The following C10orf143 variants were observed in gnomAD, a reference collection of about 807,000 sequenced individuals.
The protein encoded by C10orf143 is chromosome 10 open reading frame 143.
chr10:130,057,993 A>G (rs1030389330), intron 3 of C10orf143, among the ~76,000 whole-genome samples: 5 of 152,184 alleles, frequency 3.3e-5, no homozygotes, highest in African/African-American at 1.2e-4. Flanking sequence ...AAACTGTTCA[A>G]ATTATTCCCC....
intron 3 of C10orf143, among the ~76,000 whole-genome samples, chr10:130,048,828 A>G (rs570185898): frequency 4.8e-4 from 73 of 151,876 alleles, no homozygotes; most frequent in Admixed American, 1.6e-3. Context: ...TCAGTCCCCC[A>G]AGCAGCTAGG....
intron 3 of C10orf143, among the ~76,000 whole-genome samples, chr10:130,048,847 CA>C (rs2134730264): frequency 6.6e-6 from 1 of 152,118 alleles, no homozygotes; most frequent in East Asian, 1.9e-4. Context: ...GGAGTACAGA[CA>C]TGCGCCACCA....
intron 3 of C10orf143, among the ~76,000 whole-genome samples, chr10:130,077,976 A>AT (rs1161354815): frequency 2.0e-5 from 3 of 152,212 alleles, no homozygotes; most frequent in African/African-American, 4.8e-5. Flanking sequence ...AAGGAAACTG[A>AT]TTTTTTAAAG....
At chr10:130,100,472 G>C (rs1201478482) in intron 1 of C10orf143, among the ~76,000 whole-genome samples, 3 of 152,110 alleles carry the variant, frequency 2.0e-5, no homozygotes, top group African/African-American at 7.2e-5. Flanking sequence ...GAAGGTTGCA[G>C]TGAGCTACTG....
chr10:130,080,285 T>A (rs188938966), intron 1 of C10orf143, among the ~76,000 whole-genome samples: 1 of 152,366 alleles, frequency 6.6e-6, no homozygotes, highest in African/African-American at 2.4e-5. Context: ...ACTTTCTTAA[T>A]ACAATATGAA....
intron 1 of C10orf143, among the ~76,000 whole-genome samples, chr10:130,095,236 G>A (rs1239662601): frequency 6.6e-6 from 1 of 151,538 alleles, no homozygotes; most frequent in Non-Finnish European, 1.5e-5. Flanking sequence ...AACTTACAAG[G>A]GATGTGAAGG....
chr10:130,070,992 T>G (rs186656860), intron 3 of C10orf143, among the ~76,000 whole-genome samples: 4 of 151,424 alleles, frequency 2.6e-5, no homozygotes, highest in Non-Finnish European at 4.4e-5. Context: ...CTTGGCTCAC[T>G]GCAACTTCCA....
chr10:130,095,459 A>T (rs1476151642), intron 1 of C10orf143, among the ~76,000 whole-genome samples: 4 of 152,200 alleles, frequency 2.6e-5, no homozygotes. Context: ...TTTCATATGG[A>T]ACCAAAAAAG....
At chr10:130,107,080 G>C (rs778218242) in intron 1 of C10orf143, 1 of 1,565,532 alleles carries the variant, frequency 6.4e-7, no homozygotes, top group South Asian at 1.1e-5. Flanking sequence ...ATAAAACAAA[G>C]GAAGAGCTTA....
chr10:130,093,711 C>T (rs936619215), intron 1 of C10orf143, among the ~76,000 whole-genome samples: 1 of 152,014 alleles, frequency 6.6e-6, no homozygotes, highest in Non-Finnish European at 1.5e-5. Context: ...CAAACAGACA[C>T]AATAAAAAAT....
chr10:130,052,959 CAG>C (rs1370726484), intron 3 of C10orf143, among the ~76,000 whole-genome samples: 4 of 152,366 alleles, frequency 2.6e-5, no homozygotes, highest in East Asian at 3.9e-4. Flanking sequence ...ACCAAGTGGG[CAG>C]AGTCTTGCAC....
intron 1 of C10orf143, chr10:130,106,181 T>C (rs1316345408): frequency 4.5e-6 from 4 of 894,790 alleles, no homozygotes; most frequent in East Asian, 5.3e-5. Flanking sequence ...AATGGTGATA[T>C]GTGCAGCTGT....
chr10:130,105,219 C>T (rs772335080), intron 1 of C10orf143, among the ~76,000 whole-genome samples: 95 of 152,190 alleles, frequency 6.2e-4, no homozygotes, highest in Non-Finnish European at 7.8e-4. Context: ...TGAGCCACTG[C>T]GCCCGGCCTG....
intron 1 of C10orf143, among the ~76,000 whole-genome samples, chr10:130,109,721 G>A (rs1861726547): frequency 6.6e-6 from 1 of 152,122 alleles, no homozygotes; most frequent in Non-Finnish European, 1.5e-5. Context: ...GCAGTGAGTA[G>A]TGAGGAAAGA....
intron 3 of C10orf143, among the ~76,000 whole-genome samples, chr10:130,055,900 C>G (rs138409699): frequency 1.5e-5 from 2 of 134,402 alleles, no homozygotes; most frequent in Non-Finnish European, 1.5e-5. Flanking sequence ...GAGCTGAGAT[C>G]GCATCACTGT....
downstream of C10orf143, among the ~76,000 whole-genome samples, chr10:130,063,299 T>C: frequency 6.6e-6 from 1 of 152,212 alleles, no homozygotes; most frequent in Non-Finnish European, 1.5e-5. Flanking sequence ...GTTTTCTTTT[T>C]TTCCCGTAAA....
intron 1 of C10orf143, among the ~76,000 whole-genome samples, chr10:130,089,682 TA>T (rs1365157322): frequency 6.6e-6 from 1 of 152,136 alleles, no homozygotes; most frequent in Non-Finnish European, 1.5e-5. Context: ...CAGTAATCAA[TA>T]TGGTATTGGC....
chr10:130,082,959 A>G (rs1237431551), intron 1 of C10orf143, among the ~76,000 whole-genome samples: 1 of 152,226 alleles, frequency 6.6e-6, no homozygotes, highest in African/African-American at 2.4e-5. Context: ...CTGTAAGGCC[A>G]AACAAACAAA....
chr10:130,042,701 T>TA (rs1860621125), intron 3 of C10orf143, among the ~76,000 whole-genome samples: 1 of 152,232 alleles, frequency 6.6e-6, no homozygotes, highest in South Asian at 2.1e-4. Context: ...GAAAGCCACA[T>TA]ACTGTTTTCA....
Sources: gnomAD v4.1 joint callset for allele counts (sites outside exome capture counted in the v4.1 genomes callset) on GRCh38, gnomAD v4.1.1 for gene constraint, MANE v1.5 for transcripts, NCBI Gene and HGNC (gene_info 2026-07-23, HGNC 2026-07-21) for gene names.